Variants in GALM observed in about 807,000 individuals in gnomAD.
The protein encoded by GALM is aldose 1-epimerase.
A neutral mutation model predicts 37.4 loss-of-function variants in GALM; 43 were observed. That is an observed-to-expected ratio of 1.15 (90% confidence interval 0.90 to 1.48). The LOEUF is 1.48. GALM is among the 40% of genes most tolerant of loss of function. The probability of loss-of-function intolerance (pLI) is 0.00; values close to 1 mark genes in which losing one functional copy is unlikely to be tolerated. For missense variants in GALM, 456 were observed against 419.1 expected, an observed-to-expected ratio of 1.09 and a Z score of -0.77; for synonymous variants, 199 against 170.6, an observed-to-expected ratio of 1.17 and a Z score of -1.30.
chr2:38,702,250 C>G (rs1665934816), intron 4 of GALM, among the ~76,000 whole-genome samples: 1 of 152,108 alleles, frequency 6.6e-6, no homozygotes, highest in Non-Finnish European at 1.5e-5. Context: ...GCAAATCTTA[C>G]TTTGATAATC....
chr2:38,666,354 G>A lies in GALM; in HGVS notation c.190+3G>A. 4 of 1,608,162 alleles carry A rather than the reference G, an allele frequency of 2.5e-6. No individual in the cohort carries two copies. The highest frequency in any genetic ancestry group is 3.4e-6 in the Non-Finnish European group (4 of 1,176,406). On this transcript the variant is annotated splice_donor_region_variant and intron_variant, in intron 1 of 6. Coordinates refer to ENST00000272252, the MANE Select transcript of GALM (RefSeq NM_138801.3). ...GCTTGGCTTCGCCGAGTTGGAAGGT[G>A]GGTTGAACTGTGCCCTGGGCTGCGA...
chr2:38,682,176 G>T (rs1197060794), intron 3 of GALM: 1 of 382,140 alleles, frequency 2.6e-6, no homozygotes, highest in Non-Finnish European at 5.6e-6. Flanking sequence ...ACATAAGAGT[G>T]GTGTAGAGCT....
At chr2:38,726,907 T>G (rs1057487707) in intron 4 of GALM, among the ~76,000 whole-genome samples, 1 of 148,868 alleles carries the variant, frequency 6.7e-6, no homozygotes, top group Admixed American at 6.7e-5. Context: ...AAAAAAAAAT[T>G]GGTTGCATGT....
intron 4 of GALM, among the ~76,000 whole-genome samples, chr2:38,705,993 G>T (rs1370809567): frequency 6.6e-6 from 1 of 151,800 alleles, no homozygotes; most frequent in Non-Finnish European, 1.5e-5. Flanking sequence ...GATTACAGGC[G>T]TGCACCACCA....
intron 1 of GALM, among the ~76,000 whole-genome samples, chr2:38,668,027 T>G (rs145506273): frequency 2.8e-3 from 423 of 152,210 alleles, no homozygotes; most frequent in African/African-American, 9.5e-3. Flanking sequence ...TAGCAACAGA[T>G]CTTACCCTTT....
intron 4 of GALM, among the ~76,000 whole-genome samples, chr2:38,721,005 A>G (rs1419408023): frequency 6.6e-6 from 1 of 152,250 alleles, no homozygotes; most frequent in Non-Finnish European, 1.5e-5. Context: ...TCCACGGCTC[A>G]GTGAAGAAGT....
intron 1 of GALM, among the ~76,000 whole-genome samples, chr2:38,667,021 C>T (rs1259987489): frequency 6.6e-6 from 1 of 152,164 alleles, no homozygotes; most frequent in Non-Finnish European, 1.5e-5. Context: ...ATCCGATGAC[C>T]TCATTAAACA....
intron 3 of GALM, among the ~76,000 whole-genome samples, chr2:38,684,299 G>A (rs1665471935): frequency 6.6e-6 from 1 of 152,126 alleles, no homozygotes; most frequent in Admixed American, 6.6e-5. Flanking sequence ...GTAGGTTGCA[G>A]GTCGTTTTTT....
intron 1 of GALM, among the ~76,000 whole-genome samples, chr2:38,671,715 G>A (rs914784695): frequency 3.3e-5 from 5 of 152,148 alleles, no homozygotes; most frequent in African/African-American, 1.2e-4. Flanking sequence ...TTCCTCCAGG[G>A]GCACAGTGGC....
chr2:38,703,068 ATATATATATATATATATATATATATTTT>A (rs1274828833), intron 4 of GALM, among the ~76,000 whole-genome samples: 57 of 3,518 alleles, frequency 0.016, no homozygotes, highest in African/African-American at 0.034. Flanking sequence ...ATATATATAT[ATATATATATATATATATATATATATTTT>A]TTTTTTTTTT....
chr2:38,717,839 C>T (rs572708833), intron 4 of GALM, among the ~76,000 whole-genome samples: 1 of 151,220 alleles, frequency 6.6e-6, no homozygotes, highest in Non-Finnish European at 1.5e-5. Flanking sequence ...TATATAAAAC[C>T]ATTTTCTTTT....
chr2:38,670,794 A>G (rs1665080839), intron 1 of GALM, among the ~76,000 whole-genome samples: 1 of 152,236 alleles, frequency 6.6e-6, no homozygotes, highest in Non-Finnish European at 1.5e-5. Context: ...AGATTCAACT[A>G]GGACAGCAAG....
intron 4 of GALM, among the ~76,000 whole-genome samples, chr2:38,706,758 A>G (rs889395423): frequency 6.7e-6 from 1 of 150,096 alleles, no homozygotes; most frequent in Admixed American, 6.7e-5. Context: ...GCTGGGCACA[A>G]TGGTGTGTAC....
chr2:38,730,261 A>G (rs1666575385), intron 5 of GALM, among the ~76,000 whole-genome samples: 1 of 152,122 alleles, frequency 6.6e-6, no homozygotes, highest in African/African-American at 2.4e-5. Flanking sequence ...TGCAGAATTA[A>G]CAGTTTTGTG....
intron 1 of GALM, among the ~76,000 whole-genome samples, chr2:38,673,180 G>A (rs78601423): frequency 0.015 from 2,335 of 152,246 alleles, 28 homozygotes; most frequent in Non-Finnish European, 0.025. Flanking sequence ...ACCTGTAACT[G>A]GCCTAATCAG....
intron 4 of GALM, chr2:38,698,291 G>A (rs1665850458): frequency 3.1e-6 from 2 of 638,846 alleles, no homozygotes; most frequent in Non-Finnish European, 5.0e-6. Flanking sequence ...TGAAATTCCG[G>A]CACTTAGGAG....
At chr2:38,676,196 C>T (rs1456695818) in intron 2 of GALM, 130 bp downstream of exon 2, 3 of 848,656 alleles carry the variant, frequency 3.5e-6, no homozygotes, top group South Asian at 1.6e-5. Context: ...TTCCATGGTT[C>T]AGGGCAGCAG....
At chr2:38,714,381 A>C (rs1210968602) in intron 4 of GALM, among the ~76,000 whole-genome samples, 2 of 151,888 alleles carry the variant, frequency 1.3e-5, no homozygotes, top group East Asian at 3.9e-4. Flanking sequence ...CACTCGGCTA[A>C]TTTTTGTATT....
At chr2:38,712,752 G>A (rs1328633764) in intron 4 of GALM, among the ~76,000 whole-genome samples, 4 of 152,228 alleles carry the variant, frequency 2.6e-5, no homozygotes, top group African/African-American at 7.2e-5. Flanking sequence ...TAAAGGAGGA[G>A]CGCAGGACAG....
Sources: gnomAD v4.1 joint callset for allele counts (sites outside exome capture counted in the v4.1 genomes callset) on GRCh38, gnomAD v4.1.1 for gene constraint, MANE v1.5 for transcripts, NCBI Gene and HGNC (gene_info 2026-07-23, HGNC 2026-07-21) for gene names.